The following PTPRM variants were observed in gnomAD, a reference collection of about 807,000 sequenced individuals.
PTPRM encodes receptor-type tyrosine-protein phosphatase mu.
PTPRM carries 47 observed loss-of-function variants against 186.7 expected under a neutral mutation model. The ratio of observed to expected loss-of-function variants is 0.25; its 90% confidence interval spans 0.20 to 0.32. The LOEUF is 0.32. Ranked by LOEUF, PTPRM falls within the 10% of genes least tolerant of loss-of-function variation. PTPRM has a pLI of 1.00. For synonymous variants in PTPRM, 668 were observed against 674.9 expected, an observed-to-expected ratio of 0.99 and a Z score of 0.16; for missense variants, 1,494 against 1,865.0, an observed-to-expected ratio of 0.80 and a Z score of 3.66.
chr18:8,308,593 T>G (rs1475656820), intron 20 of PTPRM, among the ~76,000 whole-genome samples: 1 of 152,232 alleles, frequency 6.6e-6, no homozygotes, highest in African/African-American at 2.4e-5. Context: ...ATTCTTTTTA[T>G]CGTGCTAAAT....
chr18:8,190,871 C>G (rs2093700965), intron 14 of PTPRM, among the ~76,000 whole-genome samples: 1 of 152,156 alleles, frequency 6.6e-6, no homozygotes, highest in Non-Finnish European at 1.5e-5. Context: ...ACTAGAATGA[C>G]TTTCCTCTTA....
intron 22 of PTPRM, among the ~76,000 whole-genome samples, chr18:8,338,153 G>A (rs1299914476): frequency 2.6e-5 from 4 of 152,010 alleles, no homozygotes; most frequent in African/African-American, 7.3e-5. Flanking sequence ...AAGCACAGAC[G>A]CTTGGGGGCT....
intron 3 of PTPRM, among the ~76,000 whole-genome samples, chr18:7,894,615 T>A (rs201816928): frequency 0.062 from 9,328 of 151,650 alleles, 372 homozygotes; most frequent in East Asian, 0.14. Context: ...ATATATTTTT[T>A]AATATTTTTT....
At chr18:7,640,313 A>T (rs955862011) in intron 1 of PTPRM, among the ~76,000 whole-genome samples, 1 of 152,126 alleles carries the variant, frequency 6.6e-6, no homozygotes, top group African/African-American at 2.4e-5. Context: ...AAATTATCTG[A>T]TAGTTATATA....
Position 7,647,755 on chromosome 18 carries a change from A to G in PTPRM, c.73+79864A>G, listed in dbSNP as rs561081863. ...ACTTGGTCATGTAGATCAGTGATTC[A>G]CAGCCATTACAGTGCATCAGAATCA... On this transcript the variant is annotated intron_variant, in intron 1 of 32. Transcript: ENST00000580170. Among the ~76,000 whole-genome samples, 3 of 152,268 alleles carry G rather than the reference A, an allele frequency of 2.0e-5. No individual in the cohort carries two copies. In the South Asian group the frequency reaches 6.2e-4, roughly 32 times the overall value.
chr18:8,130,099 A>G (rs1046602520), intron 13 of PTPRM, among the ~76,000 whole-genome samples: 2 of 152,192 alleles, frequency 1.3e-5, no homozygotes, highest in East Asian at 3.9e-4. Flanking sequence ...ACATGCACAT[A>G]CTACTTTTCT....
intron 19 of PTPRM, among the ~76,000 whole-genome samples, chr18:8,295,710 C>T (rs1056242946): frequency 6.6e-6 from 1 of 152,258 alleles, no homozygotes; most frequent in Non-Finnish European, 1.5e-5. Context: ...TAAAGACACA[C>T]ATTTTATTTT....
At chr18:8,239,364 G>T (rs2094390337) in intron 14 of PTPRM, among the ~76,000 whole-genome samples, 1 of 152,064 alleles carries the variant, frequency 6.6e-6, no homozygotes, top group South Asian at 2.1e-4. Context: ...GCTGACTGCT[G>T]ATGTATTTCA....
intron 2 of PTPRM, among the ~76,000 whole-genome samples, chr18:7,776,857 G>A (rs1418803621): frequency 6.6e-6 from 1 of 152,158 alleles, no homozygotes; most frequent in East Asian, 1.9e-4. Flanking sequence ...TAGAAGTGAG[G>A]AAACAGCATC....
At chr18:7,697,647 A>G (rs2039873459) in intron 1 of PTPRM, among the ~76,000 whole-genome samples, 1 of 152,186 alleles carries the variant, frequency 6.6e-6, no homozygotes, top group Non-Finnish European at 1.5e-5. Context: ...TTGTCAAACT[A>G]TGAGAGTTTC....
At chr18:8,268,029 T>C (rs1001658594) in intron 19 of PTPRM, among the ~76,000 whole-genome samples, 14 of 152,154 alleles carry the variant, frequency 9.2e-5, no homozygotes, top group African/African-American at 3.4e-4. Flanking sequence ...TGTAGAAACA[T>C]GTTGTTAATT....
chr18:7,950,368 C>T (rs939380771), intron 6 of PTPRM, among the ~76,000 whole-genome samples: 2 of 152,208 alleles, frequency 1.3e-5, no homozygotes, highest in African/African-American at 4.8e-5. Flanking sequence ...TGTGCCCCTG[C>T]ATTCCAGCCA....
intron 1 of PTPRM, among the ~76,000 whole-genome samples, chr18:7,651,536 A>T: frequency 6.6e-6 from 1 of 152,108 alleles, no homozygotes; most frequent in African/African-American, 2.4e-5. Context: ...ACAGCATGGT[A>T]CTGGTACCAA....
chr18:7,627,802 C>T (rs2038096731), intron 1 of PTPRM, among the ~76,000 whole-genome samples: 1 of 152,068 alleles, frequency 6.6e-6, no homozygotes, highest in African/African-American at 2.4e-5. Flanking sequence ...ACAGAAGGTC[C>T]TCTCTAAGGA....
chr18:7,755,816 A>G (rs917716154), intron 1 of PTPRM, among the ~76,000 whole-genome samples: 7 of 152,182 alleles, frequency 4.6e-5, no homozygotes, highest in Non-Finnish European at 7.3e-5. Flanking sequence ...CGGGCAGCTA[A>G]GGTGAGAGTT....
At chr18:7,635,251 C>T (rs969182654) in intron 1 of PTPRM, among the ~76,000 whole-genome samples, 6 of 152,174 alleles carry the variant, frequency 3.9e-5, no homozygotes, top group East Asian at 3.9e-4. Flanking sequence ...GTTAAAGCAA[C>T]GTGTATTTTA....
intron 23 of PTPRM, among the ~76,000 whole-genome samples, chr18:8,357,895 A>G (rs1208279923): frequency 1.3e-5 from 2 of 152,222 alleles, no homozygotes; most frequent in African/African-American, 4.8e-5. Context: ...ACATACTCGC[A>G]GACTAAAGCA....
At position 8,376,129 on chromosome 18, in the gene PTPRM, C is replaced by T. The variant is rs775290271; in HGVS notation, c.3255C>T (p.Gly1085=). ...ATGGGGTCCCCTACCATGCCACCGG[C>T]CTGCTGGGATTCGTGCGGCAAGTCA... The part of the protein sequence containing the change: ...PDHGVPYHAT[G]LLGFVRQVKS... Residue 1085 remains glycine (G), a synonymous_variant, in exon 25 of 33, where the codon GGC becomes GGT. Transcript: ENST00000580170. 8 of 1,614,068 alleles carry T rather than the reference C, an allele frequency of 5.0e-6. 1 individual carries two copies. Among genetic ancestry groups the T allele is most frequent in the African/African-American group, 2.7e-5 (2 of 75,058 alleles).
chr18:7,813,939 TG>T (rs1427850430), intron 2 of PTPRM, among the ~76,000 whole-genome samples: 2 of 152,232 alleles, frequency 1.3e-5, no homozygotes, highest in Non-Finnish European at 2.9e-5. Flanking sequence ...ATTATTAACA[TG>T]GTAGTCTATC....
Sources: allele counts gnomAD v4.1 joint callset (sites outside exome capture counted in the v4.1 genomes callset), GRCh38; gene constraint gnomAD v4.1.1; transcripts MANE v1.5; gene names NCBI Gene and HGNC (gene_info 2026-07-23, HGNC 2026-07-21).